PICALM: variants seen among roughly 807,000 people sequenced by gnomAD.
PICALM encodes the protein phosphatidylinositol binding clathrin assembly protein.
A neutral mutation model predicts 80.5 loss-of-function variants in PICALM; 40 were observed. The observed-to-expected ratio is 0.50, with a 90% confidence interval of 0.39 to 0.65. PICALM has a LOEUF of 0.65. Ranked by LOEUF, PICALM falls within the 30% of genes least tolerant of loss-of-function variation. The probability of loss-of-function intolerance (pLI) is 0.00; values close to 1 mark genes in which losing one functional copy is unlikely to be tolerated. For synonymous variants in PICALM, 288 were observed against 260.3 expected, an observed-to-expected ratio of 1.11 and a Z score of -1.02; for missense variants, 676 against 778.9, an observed-to-expected ratio of 0.87 and a Z score of 1.57.
At chr11:85,991,123 G>T (rs1378319856) in intron 12 of PICALM, among the ~76,000 whole-genome samples, 1 of 152,110 alleles carries the variant, frequency 6.6e-6, no homozygotes, top group Non-Finnish European at 1.5e-5. Flanking sequence ...TCTAGAGTCA[G>T]ATAATTATTA....
At chr11:86,031,244 A>C (rs374697636) in intron 2 of PICALM, among the ~76,000 whole-genome samples, 18 of 152,330 alleles carry the variant, frequency 1.2e-4, no homozygotes, top group African/African-American at 3.6e-4. Flanking sequence ...TCTAGGCATT[A>C]ATCTTTGCTT....
At chr11:86,045,564 T>G (rs1286668697) in intron 1 of PICALM, among the ~76,000 whole-genome samples, 3 of 143,514 alleles carry the variant, frequency 2.1e-5, no homozygotes, top group Non-Finnish European at 4.6e-5. Flanking sequence ...ATAACCCACA[T>G]TCACCTATTT....
intron 9 of PICALM, among the ~76,000 whole-genome samples, chr11:86,003,036 T>C (rs757252123): frequency 2.0e-5 from 3 of 152,016 alleles, no homozygotes; most frequent in Admixed American, 6.6e-5. Flanking sequence ...AAAATGTATC[T>C]TATAACTACA....
intron 12 of PICALM, 83 bp from the exon 13 acceptor site, chr11:85,990,482 G>T: frequency 2.7e-6 from 2 of 744,402 alleles, no homozygotes; most frequent in African/African-American, 1.8e-5. Context: ...GATGCAAAGT[G>T]AAAAGTAGTA....
At chr11:85,988,723 G>A (rs1168248723) in intron 13 of PICALM, among the ~76,000 whole-genome samples, 1 of 151,912 alleles carries the variant, frequency 6.6e-6, no homozygotes, top group Non-Finnish European at 1.5e-5. Flanking sequence ...GAGTGGGATG[G>A]GTAATCAAGA....
In PICALM at chr11:85,958,144, T is replaced by C. The variant is rs2093579347; in HGVS notation, c.*902A>G. 1 of 224,478 alleles carries C rather than the reference T, an allele frequency of 4.5e-6. No homozygotes were observed. Among genetic ancestry groups the C allele is most frequent in the Non-Finnish European group, 8.9e-6 (1 of 112,326 alleles). 13.9% of individuals were successfully genotyped at this position (224,478 alleles called of 1,614,324 possible). A position where few individuals can be genotyped will look rare whatever the true frequency, so the allele number is the denominator to read the frequency against. On this transcript the variant is annotated 3_prime_UTR_variant, in exon 20 of 20. Transcript: ENST00000393346. Reference sequence around the variant, plus strand: ...TAATGTCAAATGGAAAATAATGACATGCCAAGCACAAAGCAGTAAAGATCC... The same window carrying C: ...TAATGTCAAATGGAAAATAATGACACGCCAAGCACAAAGCAGTAAAGATCC...
chr11:85,974,047 A>T (rs918093218), intron 19 of PICALM, among the ~76,000 whole-genome samples: 7 of 133,722 alleles, frequency 5.2e-5, no homozygotes, highest in Non-Finnish European at 1.0e-4. Context: ...GTAAAACATT[A>T]AAAAAAAAAA....
chr11:86,017,014 G>A (rs1444037033), intron 4 of PICALM, among the ~76,000 whole-genome samples: 1 of 152,182 alleles, frequency 6.6e-6, no homozygotes, highest in East Asian at 1.9e-4. Flanking sequence ...ACGAGGTCAG[G>A]ATTTCGAGAC....
intron 4 of PICALM, among the ~76,000 whole-genome samples, chr11:86,017,174 G>C (rs1400820682): frequency 1.3e-5 from 2 of 150,206 alleles, no homozygotes; most frequent in East Asian, 3.9e-4. Context: ...AGGGAGCAGA[G>C]ATCACGCCAC....
chr11:86,038,229 A>G (rs2095877383), intron 1 of PICALM, among the ~76,000 whole-genome samples: 1 of 152,000 alleles, frequency 6.6e-6, no homozygotes, highest in Non-Finnish European at 1.5e-5. Context: ...CTGACACAGG[A>G]GAATCGCTTG....
chr11:85,977,000 T>A (rs1227638922), intron 17 of PICALM: 1 of 174,960 alleles, frequency 5.7e-6, no homozygotes, highest in Admixed American at 6.1e-5. Flanking sequence ...TCTAAATAGT[T>A]CTAAAATTTA....
intron 18 of PICALM, among the ~76,000 whole-genome samples, chr11:85,975,380 G>A (rs1463288589): frequency 6.6e-6 from 1 of 152,006 alleles, no homozygotes; most frequent in Non-Finnish European, 1.5e-5. Flanking sequence ...AACCAAATAT[G>A]TTTCTTTAAA....
At chr11:85,995,311 A>G (rs1382430158) in intron 12 of PICALM, among the ~76,000 whole-genome samples, 1 of 152,228 alleles carries the variant, frequency 6.6e-6, no homozygotes, top group Admixed American at 6.5e-5. Context: ...GAAAATAGAA[A>G]AGTAAAACAT....
At chr11:85,966,347 C>G (rs558686438) in intron 19 of PICALM, among the ~76,000 whole-genome samples, 2 of 152,286 alleles carry the variant, frequency 1.3e-5, no homozygotes, top group South Asian at 4.1e-4. Context: ...GTTGATATCA[C>G]AGGTGTGAGC....
chr11:85,967,933 C>T (rs1449364758), intron 19 of PICALM, among the ~76,000 whole-genome samples: 4 of 72,092 alleles, frequency 5.5e-5, no homozygotes, highest in Non-Finnish European at 1.1e-4. Flanking sequence ...TAAAATTAGC[C>T]ACTGCAAACA....
intron 12 of PICALM, among the ~76,000 whole-genome samples, chr11:85,995,155 C>T (rs564851409): frequency 1.3e-5 from 2 of 152,244 alleles, no homozygotes; most frequent in African/African-American, 4.8e-5. Context: ...TCTTCAGTAT[C>T]ATGCAGAAGT....
intron 10 of PICALM, 92 bp from the exon 11 acceptor site, chr11:86,000,871 C>T (rs1218444215): frequency 1.5e-5 from 22 of 1,506,830 alleles, no homozygotes; most frequent in Non-Finnish European, 2.0e-5. Context: ...GTTCTGATAG[C>T]AGATATTCTG....
chr11:86,032,043 G>T (rs2095760352), intron 1 of PICALM, among the ~76,000 whole-genome samples: 1 of 152,070 alleles, frequency 6.6e-6, no homozygotes, highest in Admixed American at 6.6e-5. Context: ...ACAGAAGAAT[G>T]AACAAAATGA....
chr11:85,964,487 G>A (rs1220945098), intron 19 of PICALM, among the ~76,000 whole-genome samples: 2 of 152,174 alleles, frequency 1.3e-5, no homozygotes, highest in Non-Finnish European at 2.9e-5. Flanking sequence ...CCCAATACCT[G>A]TACTGCCGCT....
Sources: allele counts gnomAD v4.1 joint callset (sites outside exome capture counted in the v4.1 genomes callset), GRCh38; gene constraint gnomAD v4.1.1; transcripts MANE v1.5; gene names NCBI Gene and HGNC (gene_info 2026-07-23, HGNC 2026-07-21).